Variants in TTC28 observed in about 807,000 individuals in gnomAD.
The protein encoded by TTC28 is tetratricopeptide repeat protein 28.
Under a neutral mutation model 198.0 loss-of-function variants are expected in TTC28, and 61 were observed. That is an observed-to-expected ratio of 0.31 (90% CI 0.25 to 0.38). The LOEUF (loss-of-function observed/expected upper bound fraction) is 0.38. Among genes scored for constraint, TTC28 ranks in the 10% least tolerant of loss-of-function variants. The pLI is 1.00. For missense variants in TTC28, 2,678 were observed against 3,164.0 expected, an observed-to-expected ratio of 0.85 and a Z score of 3.69; for synonymous variants, 1,171 against 1,297.8, an observed-to-expected ratio of 0.90 and a Z score of 2.10.
At chr22:28,136,540 C>A in intron 6 of TTC28, among the ~76,000 whole-genome samples, 1 of 152,184 alleles carries the variant, frequency 6.6e-6, no homozygotes, top group East Asian at 1.9e-4. Flanking sequence ...GAGCAGTCCT[C>A]TTCTCTAAAG....
At chr22:28,126,336 G>A (rs989905742) in intron 6 of TTC28, among the ~76,000 whole-genome samples, 1 of 152,188 alleles carries the variant, frequency 6.6e-6, no homozygotes, top group Non-Finnish European at 1.5e-5. Flanking sequence ...CGAGTTTCCA[G>A]TGTTTTATAA....
Position 28,168,962 on chromosome 22 carries a change from C to A in TTC28, c.934-5363G>T, listed in dbSNP as rs539709384. On this transcript the variant is annotated intron_variant, in intron 5 of 22. Transcript: ENST00000397906. ...AATATCCAGAGTCTACAATGAACTCCAACAAATTTACAAGAAAAAAACAAA... is the reference window on the plus strand; with the variant it reads ...AATATCCAGAGTCTACAATGAACTCAAACAAATTTACAAGAAAAAAACAAA... 1.4e-3 allele frequency among the ~76,000 whole-genome samples: 214 copies of A among 151,972 alleles called. 11 individuals carry two copies. In the South Asian group the frequency reaches 0.042, roughly 30 times the overall value.
chr22:28,615,851 A>G (rs1044806129), intron 2 of TTC28, among the ~76,000 whole-genome samples: 1 of 152,146 alleles, frequency 6.6e-6, no homozygotes, highest in African/African-American at 2.4e-5. Flanking sequence ...CTTGATGACA[A>G]GTTGATTGGG....
intron 6 of TTC28, among the ~76,000 whole-genome samples, chr22:28,131,362 A>G (rs1943056061): frequency 2.0e-5 from 3 of 152,208 alleles, no homozygotes; most frequent in Non-Finnish European, 4.4e-5. Context: ...AATATTTTAA[A>G]TCAAAATGGT....
chr22:28,402,844 G>A (rs1006306101), intron 2 of TTC28, among the ~76,000 whole-genome samples: 2 of 152,332 alleles, frequency 1.3e-5, no homozygotes, highest in Non-Finnish European at 2.9e-5. Context: ...CTTTTCTCCA[G>A]TAAGTCTATG....
Position 27,983,414 on chromosome 22 carries a change from G to A in TTC28, c.6253C>T (p.Pro2085Ser), listed in dbSNP as rs762025232. 1 of 1,551,294 alleles carries A rather than the reference G, an allele frequency of 6.4e-7. No individual in the cohort carries two copies. The highest frequency in any genetic ancestry group is 8.7e-7 in the Non-Finnish European group (1 of 1,147,008). The change falls in exon 23 of 23, where the codon CCC (proline) becomes TCC (serine). Residue 2085 changes from proline to serine, a missense_variant. Physicochemically the swap from Pro to Ser is moderately conservative, Grantham distance 74. Around this residue, in one of 8 missense-constraint regions of TTC28, gnomAD observed 622 missense variants for 656.0 expected, o/e 0.95. Transcript: ENST00000397906. Reference sequence around the variant, plus strand: ...ATGCCTCCGGCTGTCCCAGGTTGGGGTTGTTTGTGGTCTGGTGAGAAGCAT... The same window carrying A: ...ATGCCTCCGGCTGTCCCAGGTTGGGATTGTTTGTGGTCTGGTGAGAAGCAT... ...NTCFSPDHKQ[P>S]QPGTAGGMRV...
intron 2 of TTC28, among the ~76,000 whole-genome samples, chr22:28,366,167 C>A (rs554864602): frequency 6.6e-6 from 1 of 152,228 alleles, no homozygotes; most frequent in East Asian, 1.9e-4. Context: ...TGTAAAGAAA[C>A]AAGGCCAAAT....
intron 5 of TTC28, among the ~76,000 whole-genome samples, chr22:28,277,742 C>T (rs1470285558): frequency 6.6e-6 from 1 of 152,062 alleles, no homozygotes. Context: ...TATGAAAAAT[C>T]ATCCATCCTC....
intron 2 of TTC28, among the ~76,000 whole-genome samples, chr22:28,407,472 GCACACA>G (rs61622821): frequency 0.07 from 10,475 of 148,724 alleles, 515 homozygotes; most frequent in Non-Finnish European, 0.097. Flanking sequence ...ACATGCGTGC[GCACACA>G]CACACACACA....
At chr22:28,245,458 T>C (rs1014107616) in intron 5 of TTC28, among the ~76,000 whole-genome samples, 2 of 152,138 alleles carry the variant, frequency 1.3e-5, no homozygotes, top group Non-Finnish European at 2.9e-5. Flanking sequence ...CCCAGTTTTA[T>C]AGATGAGGAG....
chr22:28,393,880 T>C (rs1371488461), intron 2 of TTC28, among the ~76,000 whole-genome samples: 1 of 152,120 alleles, frequency 6.6e-6, no homozygotes, highest in African/African-American at 2.4e-5. Context: ...TAATGGCAAC[T>C]CCACTGGCTC....
At chr22:28,433,104 G>A (rs761841674) in intron 2 of TTC28, among the ~76,000 whole-genome samples, 3 of 152,110 alleles carry the variant, frequency 2.0e-5, no homozygotes, top group Non-Finnish European at 4.4e-5. Context: ...ATAACAAAGA[G>A]CACACAAATG....
chr22:28,556,790 G>A (rs1479462762), intron 2 of TTC28, among the ~76,000 whole-genome samples: 1 of 152,188 alleles, frequency 6.6e-6, no homozygotes, highest in Non-Finnish European at 1.5e-5. Context: ...AGGGCAGAAG[G>A]ATACACTTCC....
intron 6 of TTC28, among the ~76,000 whole-genome samples, chr22:28,111,075 C>T (rs1238300154): frequency 6.6e-6 from 1 of 151,848 alleles, no homozygotes; most frequent in Admixed American, 6.6e-5. Context: ...TATATTTAAA[C>T]ATATAGCATA....
At chr22:28,295,066 G>A (rs2044867143) in intron 5 of TTC28, among the ~76,000 whole-genome samples, 1 of 152,126 alleles carries the variant, frequency 6.6e-6, no homozygotes, top group South Asian at 2.1e-4. Context: ...TGTAATGTTA[G>A]TTATTTGGGC....
intron 2 of TTC28, among the ~76,000 whole-genome samples, chr22:28,489,245 C>T (rs1351853167): frequency 2.0e-5 from 3 of 151,888 alleles, no homozygotes; most frequent in Non-Finnish European, 2.9e-5. Context: ...GATAGTGCCA[C>T]TGCACTCCAG....
intron 5 of TTC28, among the ~76,000 whole-genome samples, chr22:28,293,254 CAG>C (rs1335846212): frequency 6.6e-6 from 1 of 152,154 alleles, no homozygotes; most frequent in East Asian, 1.9e-4. Context: ...CTCACACACA[CAG>C]ACACATACAT....
chr22:28,532,731 T>C (rs897049566), intron 2 of TTC28, among the ~76,000 whole-genome samples: 1 of 152,190 alleles, frequency 6.6e-6, no homozygotes, highest in African/African-American at 2.4e-5. Context: ...GCTTCATCCC[T>C]GGGATGCAAG....
At chr22:28,260,600 C>G in intron 5 of TTC28, among the ~76,000 whole-genome samples, 1 of 152,110 alleles carries the variant, frequency 6.6e-6, no homozygotes. Flanking sequence ...GTGAAATGAT[C>G]AAAACCCCTA....
Sources: allele counts gnomAD v4.1 joint callset (sites outside exome capture counted in the v4.1 genomes callset), GRCh38; gene constraint gnomAD v4.1.1; regional missense constraint gnomAD v4.1.1; transcripts MANE v1.5; gene names NCBI Gene and HGNC (gene_info 2026-07-23, HGNC 2026-07-21).